MIR17HG: variants seen among roughly 807,000 people sequenced by gnomAD.
MIR17HG encodes MIR17 host gene (non-protein coding).
At chr13:91,353,515 T>A (rs940757732) in intron 3 of MIR17HG, among the ~76,000 whole-genome samples, 1 of 152,246 alleles carries the variant, frequency 6.6e-6, no homozygotes. Flanking sequence ...TTCTTGGTTC[T>A]ATTAAGATTT....
At chr13:91,348,447 G>A (rs1325399985) in intron 1 of MIR17HG, among the ~76,000 whole-genome samples, 4 of 151,078 alleles carry the variant, frequency 2.6e-5, no homozygotes, top group African/African-American at 9.7e-5. Flanking sequence ...CAGGCCGCGG[G>A]CCGGGAGGGG....
intron 3 of MIR17HG, chr13:91,351,455 A>T: frequency 4.0e-6 from 2 of 494,606 alleles, no homozygotes; most frequent in South Asian, 2.9e-5. Context: ...TTCCACTGTT[A>T]AATGTACAAG....
intron 1 of MIR17HG, among the ~76,000 whole-genome samples, chr13:91,348,785 G>A (rs1401778923): frequency 2.0e-5 from 3 of 150,048 alleles, no homozygotes; most frequent in African/African-American, 4.9e-5. Context: ...CCATGTTCCT[G>A]CGGGGCGGGC....
At chr13:91,352,797 G>A (rs1875384387) in intron 3 of MIR17HG, among the ~76,000 whole-genome samples, 1 of 152,184 alleles carries the variant, frequency 6.6e-6, no homozygotes, top group Non-Finnish European at 1.5e-5. Flanking sequence ...AGTGACAAAC[G>A]TGGCTTTCAA....
At chr13:91,353,230 A>C (rs1875417323) in intron 3 of MIR17HG, among the ~76,000 whole-genome samples, 1 of 151,652 alleles carries the variant, frequency 6.6e-6, no homozygotes, top group African/African-American at 2.4e-5. Context: ...ACAGTGTGAT[A>C]GGAAGCCTGC....
At chr13:91,349,015 C>T (rs982834084) in intron 1 of MIR17HG, among the ~76,000 whole-genome samples, 13 of 150,800 alleles carry the variant, frequency 8.6e-5, no homozygotes, top group Non-Finnish European at 1.6e-4. Context: ...CGGCTGCCGC[C>T]GGGAAACGGG....
At chr13:91,350,970 T>C (rs1257895319) in intron 3 of MIR17HG, 1 of 530,310 alleles carries the variant, frequency 1.9e-6, no homozygotes, top group South Asian at 1.4e-5. Flanking sequence ...GATGGTGGCC[T>C]GCTATTTCCT....
At chr13:91,351,607 A>G (rs1038779827) in intron 3 of MIR17HG, 2 of 319,644 alleles carry the variant, frequency 6.3e-6, no homozygotes, top group South Asian at 2.6e-5. Context: ...TGTTAGATTT[A>G]TTTGGCTGTT....
upstream of MIR17HG, chr13:91,347,724 G>A: frequency 6.5e-6 from 1 of 153,264 alleles, no homozygotes; most frequent in Non-Finnish European, 1.4e-5. Context: ...CGCCGCCGCC[G>A]CCCGACCTGC....
intron 3 of MIR17HG, chr13:91,352,193 A>G (rs1875349632): frequency 6.6e-6 from 1 of 152,200 alleles, no homozygotes; most frequent in Non-Finnish European, 1.5e-5. Flanking sequence ...GGCAACAGTG[A>G]TAGTTGATTC....
intron 3 of MIR17HG, among the ~76,000 whole-genome samples, chr13:91,353,157 CT>C (rs1875413431): frequency 7.2e-6 from 1 of 139,196 alleles, no homozygotes; most frequent in Non-Finnish European, 1.5e-5. Flanking sequence ...ACAGCATGGT[CT>C]GGTAGTTTGC....
chr13:91,349,671 T>C (rs1259173370), intron 1 of MIR17HG: 1 of 152,220 alleles, frequency 6.6e-6, no homozygotes, highest in Non-Finnish European at 1.5e-5. Flanking sequence ...GTTTTATCTT[T>C]TTTTTCCTTA....
chr13:91,352,827 G>A (rs774114199), intron 3 of MIR17HG, among the ~76,000 whole-genome samples: 1 of 152,026 alleles, frequency 6.6e-6, no homozygotes, highest in African/African-American at 2.4e-5. Context: ...AAAAAGTTCC[G>A]GCTGGACACG....
chr13:91,352,677 G>A (rs1452953712), intron 3 of MIR17HG, among the ~76,000 whole-genome samples: 1 of 152,160 alleles, frequency 6.6e-6, no homozygotes, highest in Non-Finnish European at 1.5e-5. Context: ...AAATTTTCAG[G>A]ATGTGAAATG....
chr13:91,348,538 G>T (rs1458188834), intron 1 of MIR17HG, among the ~76,000 whole-genome samples: 1 of 151,416 alleles, frequency 6.6e-6, no homozygotes, highest in Non-Finnish European at 1.5e-5. Flanking sequence ...TTGTACGCGC[G>T]AGGGTGGGCG....
intron 1 of MIR17HG, among the ~76,000 whole-genome samples, chr13:91,348,194 GGGGGCGGCGTGCGC>G (rs1038332412): frequency 5.4e-5 from 8 of 148,698 alleles, no homozygotes; most frequent in Non-Finnish European, 3.0e-5. Context: ...GAGGGTGGGA[GGGGGCGGCGTGCGC>G]GTGGCGGCCG....
At chr13:91,348,917 C>T (rs1406062090) in intron 1 of MIR17HG, among the ~76,000 whole-genome samples, 1 of 148,882 alleles carries the variant, frequency 6.7e-6, no homozygotes, top group Non-Finnish European at 1.5e-5. Context: ...CCCTCTGGGC[C>T]GGGCTCGGGG....
At chr13:91,350,595 A>G (rs1478624221) in intron 3 of MIR17HG, 1 of 534,000 alleles carries the variant, frequency 1.9e-6, no homozygotes. Context: ...AAAACTGAAG[A>G]TTGTGACCAG....
chr13:91,352,498 A>C (rs1875368117), intron 3 of MIR17HG: 1 of 152,222 alleles, frequency 6.6e-6, no homozygotes, highest in Admixed American at 6.5e-5. Context: ...CTTCCATAAC[A>C]CTAGGTTAGA....
Sources: gnomAD v4.1 joint callset for allele counts (sites outside exome capture counted in the v4.1 genomes callset) on GRCh38, gnomAD v4.1.1 for gene constraint, MANE v1.5 for transcripts, NCBI Gene and HGNC (gene_info 2026-07-23, HGNC 2026-07-21) for gene names.